The following YAF2 variants were observed in gnomAD, a reference collection of about 807,000 sequenced individuals.
YAF2 encodes YY1 associated factor 2.
In YAF2, 7 loss-of-function variants were observed where a neutral mutation model predicts 20.1. That is an observed-to-expected ratio of 0.35 (90% CI 0.20 to 0.65). The LOEUF (loss-of-function observed/expected upper bound fraction) is 0.65, where lower values mean the gene tolerates loss of function less well. YAF2 is among the 30% of genes least tolerant of loss of function. The probability of loss-of-function intolerance (pLI) is 0.69; values close to 1 mark genes in which losing one functional copy is unlikely to be tolerated. For synonymous variants in YAF2, 74 were observed against 76.0 expected, an observed-to-expected ratio of 0.97 and a Z score of 0.14; for missense variants, 151 against 219.2, an observed-to-expected ratio of 0.69 and a Z score of 1.96.
intron 2 of YAF2, among the ~76,000 whole-genome samples, chr12:42,171,835 G>A (rs750327100): frequency 1.2e-4 from 18 of 151,282 alleles, no homozygotes; most frequent in Admixed American, 3.9e-4. Context: ...GTACTGGTGC[G>A]TGCCTGTAGT....
chr12:42,189,953 C>T (rs905752120), intron 2 of YAF2, among the ~76,000 whole-genome samples: 1 of 152,112 alleles, frequency 6.6e-6, no homozygotes, highest in African/African-American at 2.4e-5. Context: ...AAAGCAGCTA[C>T]GTTTAATTCT....
chr12:42,229,779 T>C (rs774557084), intron 2 of YAF2, among the ~76,000 whole-genome samples: 1 of 152,344 alleles, frequency 6.6e-6, no homozygotes, highest in East Asian at 1.9e-4. Flanking sequence ...TTGCAGGTAA[T>C]TGTAACACCA....
chr12:42,219,099 T>C (rs1448824763), intron 2 of YAF2, among the ~76,000 whole-genome samples: 2 of 152,164 alleles, frequency 1.3e-5, no homozygotes, highest in South Asian at 2.1e-4. Context: ...AAAATACAAA[T>C]TAAGAGAAAT....
At chr12:42,194,685 A>G (rs2066704447) in intron 2 of YAF2, among the ~76,000 whole-genome samples, 1 of 152,200 alleles carries the variant, frequency 6.6e-6, no homozygotes, top group African/African-American at 2.4e-5. Flanking sequence ...TCAGTAACAT[A>G]AAAATTTTTT....
chr12:42,202,660 T>C (rs712127), intron 2 of YAF2, among the ~76,000 whole-genome samples: 104,928 of 151,968 alleles, frequency 0.69, 37,256 homozygotes, highest in African/African-American at 0.86. Context: ...TTTTTTGAGA[T>C]GGAGTGTCGT....
At chr12:42,215,631 AC>A (rs2067330880) in intron 2 of YAF2, among the ~76,000 whole-genome samples, 1 of 152,052 alleles carries the variant, frequency 6.6e-6, no homozygotes, top group South Asian at 2.1e-4. Flanking sequence ...TTTCAAAGCT[AC>A]CATACAGTGG....
chr12:42,204,070 A>C (rs1301911829), intron 2 of YAF2, among the ~76,000 whole-genome samples: 1 of 152,052 alleles, frequency 6.6e-6, no homozygotes, highest in Non-Finnish European at 1.5e-5. Flanking sequence ...CCATCTCTAA[A>C]AAAACCAACC....
intron 2 of YAF2, among the ~76,000 whole-genome samples, chr12:42,170,753 G>A (rs2136994474): frequency 6.6e-6 from 1 of 152,294 alleles, no homozygotes; most frequent in Non-Finnish European, 1.5e-5. Context: ...TAAGGGACAG[G>A]AGGATCACCT....
chr12:42,235,352 A>C, intron 2 of YAF2: 1 of 1,016,764 alleles, frequency 9.8e-7, no homozygotes, highest in Non-Finnish European at 1.2e-6. Flanking sequence ...GCAGTCCTTT[A>C]ATCTTGTTTT....
At chr12:42,235,676 C>G in intron 2 of YAF2, 2 of 1,528,168 alleles carry the variant, frequency 1.3e-6, no homozygotes, top group Non-Finnish European at 1.7e-6. Flanking sequence ...CAGTTTCAAT[C>G]CAAATGACAA....
chr12:42,218,320 A>G (rs956352918), intron 2 of YAF2, among the ~76,000 whole-genome samples: 2 of 152,008 alleles, frequency 1.3e-5, no homozygotes, highest in Non-Finnish European at 2.9e-5. Flanking sequence ...ACCAACCACA[A>G]TGATATGCAA....
At chr12:42,234,219 G>C (rs1592071772) in intron 2 of YAF2, 1 of 918,876 alleles carries the variant, frequency 1.1e-6, no homozygotes, top group East Asian at 1.2e-4. Context: ...GAAAAGAAAA[G>C]AAAAGAAAAG....
intron 2 of YAF2, chr12:42,234,698 AC>A: frequency 2.0e-6 from 2 of 984,718 alleles, no homozygotes; most frequent in Non-Finnish European, 2.4e-6. Flanking sequence ...GCCAATAAAG[AC>A]TTTAAAGGGG....
At chr12:42,219,250 C>T (rs767372428) in intron 2 of YAF2, among the ~76,000 whole-genome samples, 14 of 152,184 alleles carry the variant, frequency 9.2e-5, no homozygotes, top group Non-Finnish European at 1.6e-4. Flanking sequence ...ACTGGGCCTC[C>T]TGAGGGACAG....
At chr12:42,178,911 GGT>G (rs747111278) in intron 2 of YAF2, among the ~76,000 whole-genome samples, 4 of 152,128 alleles carry the variant, frequency 2.6e-5, no homozygotes, top group Non-Finnish European at 5.9e-5. Context: ...CCTTTAGCCA[GGT>G]GTGGTGGTGC....
At chr12:42,167,774 C>T (rs944897949) in intron 2 of YAF2, among the ~76,000 whole-genome samples, 22 of 152,052 alleles carry the variant, frequency 1.4e-4, no homozygotes, top group African/African-American at 5.3e-4. Context: ...GGGAGGCCAA[C>T]GCGGGCAGAC....
intron 2 of YAF2, among the ~76,000 whole-genome samples, chr12:42,165,541 G>A (rs546114550): frequency 6.6e-5 from 10 of 152,148 alleles, no homozygotes; most frequent in Admixed American, 6.5e-4. Context: ...TCAGGTCACT[G>A]CAAGCTCTGC....
chr12:42,174,350 T>C (rs1273817723), intron 2 of YAF2, among the ~76,000 whole-genome samples: 1 of 152,200 alleles, frequency 6.6e-6, no homozygotes, highest in Non-Finnish European at 1.5e-5. Flanking sequence ...AACACTTCAC[T>C]GAGTTTATCA....
intron 2 of YAF2, among the ~76,000 whole-genome samples, chr12:42,227,622 G>A (rs1406103501): frequency 6.6e-6 from 1 of 150,534 alleles, no homozygotes. Context: ...CGTCTGAGAA[G>A]TTAGGAGCCC....
Sources: allele counts gnomAD v4.1 joint callset (sites outside exome capture counted in the v4.1 genomes callset), GRCh38; gene constraint gnomAD v4.1.1; transcripts MANE v1.5; gene names NCBI Gene and HGNC (gene_info 2026-07-23, HGNC 2026-07-21).